The following CSF3R variants were observed in gnomAD, a reference collection of about 807,000 sequenced individuals.
CSF3R encodes the protein colony stimulating factor 3 receptor.
CSF3R carries 52 observed loss-of-function variants against 84.4 expected under a neutral mutation model. The ratio of observed to expected loss-of-function variants is 0.62; its 90% CI spans 0.49 to 0.78. CSF3R has a LOEUF of 0.78. Ranked by LOEUF, CSF3R falls within the 30% of genes least tolerant of loss-of-function variation. The pLI is 0.00. For missense variants in CSF3R, 890 were observed against 1,055.7 expected, an observed-to-expected ratio of 0.84 and a Z score of 2.17; for synonymous variants, 384 against 429.1, an observed-to-expected ratio of 0.89 and a Z score of 1.30.
chr1:36,466,720 C>T lies in CSF3R; in HGVS notation c.2148G>A (p.Glu716=). 3 of 1,614,220 alleles carry T rather than the reference C, an allele frequency of 1.9e-6. No homozygotes were observed. Among genetic ancestry groups the T allele is most frequent in the Admixed American group, 1.7e-5 (1 of 60,022 alleles). ...PVPWESHNSS[E]TCGLPTLVQT... ...GGACCAGAGTGGGGAGGCCACAGGT[C>T]TCTGAGCTGTTATGGGACTCCCAGG... The change falls in exon 17 of 17, where the codon GAG becomes GAA. Residue 716 remains glutamate, a synonymous_variant. Transcript: ENST00000373106. This position sits in a 1 kb window ranked among gnomAD's most constrained non-coding sequence, Gnocchi z 4.6.
In CSF3R at chr1:36,472,023, C is replaced by T. The variant is rs370100726; in HGVS notation, c.1071+43G>A. The T allele has an allele frequency of 2.2e-5, 35 of 1,588,728 alleles. No individual in the cohort carries two copies. The highest frequency in any genetic ancestry group is 1.7e-4 in the Admixed American group (10 of 59,836). On this transcript the variant is annotated intron_variant, in intron 9 of 16. Coordinates refer to ENST00000373106, the MANE Select transcript of CSF3R (RefSeq NM_000760.4). This position sits in a 1 kb window ranked among gnomAD's most constrained non-coding sequence, Gnocchi z 5.0. ...GGTTTGTAGGGATCTGTTTGGACTG[C>T]GGGAGGTGTCGAGGTGGAGGGATGG...
Position 36,475,638 on chromosome 1 carries a change from G to C in CSF3R, c.100C>G (p.Pro34Ala). 1 of 1,607,068 alleles carries C rather than the reference G, an allele frequency of 6.2e-7. No individual in the cohort carries two copies. Reference sequence around the variant, plus strand: ...ATGGGATCCCCCAGGTGGACGATGGGGGCTGAGACACTGATGTGCCCGCAC... The same window carrying C: ...ATGGGATCCCCCAGGTGGACGATGGCGGCTGAGACACTGATGTGCCCGCAC... Reference protein sequence around the residue: ...EECGHISVSAPIVHLGDPITA... With the variant: ...EECGHISVSAAIVHLGDPITA... Residue 34 changes from proline to alanine, a missense_variant, in exon 4 of 17, where the codon CCC becomes GCC. By Grantham distance (27) the Pro-to-Ala change is conservative. Transcript: ENST00000373106.
Position 36,467,503 on chromosome 1 carries a change from T to C in CSF3R, c.1958+55A>G, listed in dbSNP as rs1650401856. ...GGACTTAGATGGGCCCATCTGGACC[T>C]GAGGTTCCCTGTGGGTGGGGGAAGC... On this transcript the variant is annotated intron_variant, in intron 15 of 16. Transcript: ENST00000373106. The surrounding 1 kb of genome is among the most constrained non-coding windows in gnomAD (Gnocchi z 4.1). The C allele has an allele frequency of 1.3e-6, 2 of 1,564,082 alleles. No individual in the cohort carries two copies. The highest frequency in any genetic ancestry group is 1.8e-6 in the Non-Finnish European group (2 of 1,136,556).
At position 36,467,015 on chromosome 1, in the gene CSF3R, A is replaced by G; in HGVS notation, c.2041-188T>C. 6.9e-7 allele frequency: 1 copy of G among 1,440,754 alleles called. No homozygotes were observed. Among genetic ancestry groups the G allele is most frequent in the East Asian group, 2.4e-5 (1 of 41,946 alleles). 89.2% of individuals were successfully genotyped at this position (1,440,754 alleles called of 1,614,324 possible). A position where few individuals can be genotyped will look rare whatever the true frequency, so the allele number is the denominator to read the frequency against. ...CTGACACATGCCATGCACCGTTCAG[A>G]CTCAGCATGGTCAGTTTTTCCATAT... On this transcript the variant is annotated intron_variant, in intron 16 of 16. Transcript: ENST00000373106. The surrounding 1 kb of genome is among the most constrained non-coding windows in gnomAD (Gnocchi z 4.1).
In CSF3R at chr1:36,469,157, C is replaced by G. The variant is rs149081693; in HGVS notation, c.1575G>C (p.Met525Ile). The change falls in exon 12 of 17, where the codon ATG (methionine) becomes ATC (isoleucine). Residue 525 changes from methionine to isoleucine, a missense_variant and splice_region_variant. Physicochemically the swap from Met to Ile is conservative, Grantham distance 10. Transcript: ENST00000373106. ...AAAGGGGCCTGATAGTTGACAAACCCATTTCTTGAGAGTAGGCATAGACAT... is the reference window on the plus strand; with the variant it reads ...AAAGGGGCCTGATAGTTGACAAACCGATTTCTTGAGAGTAGGCATAGACAT... ...SQHVYAYSQE[M>I]APSHAPELHL... 8 of 1,611,950 alleles carry G rather than the reference C, an allele frequency of 5.0e-6. No individual in the cohort carries two copies. Among genetic ancestry groups the G allele is most frequent in the Non-Finnish European group, 6.8e-6 (8 of 1,178,082 alleles).
chr1:36,482,236 C>T (rs189375473), intron 1 of CSF3R, among the ~76,000 whole-genome samples: 5 of 148,952 alleles, frequency 3.4e-5, no homozygotes, highest in Admixed American at 1.3e-4. Flanking sequence ...GCCAAGAGGA[C>T]GATTGAGGCC....
chr1:36,478,316 G>A (rs533973244), intron 3 of CSF3R, among the ~76,000 whole-genome samples: 1 of 151,822 alleles, frequency 6.6e-6, no homozygotes, highest in Admixed American at 6.6e-5. Context: ...ATCACCTGAC[G>A]TCAGGAGTTT....
chr1:36,474,922 TACCA>T (rs1455758135), intron 4 of CSF3R, among the ~76,000 whole-genome samples: 2 of 152,166 alleles, frequency 1.3e-5, no homozygotes, highest in Non-Finnish European at 2.9e-5. Context: ...TACATAGTAG[TACCA>T]ACTGGTACTA....
At chr1:36,475,912 G>C (rs955774079) in intron 3 of CSF3R, 2 of 510,668 alleles carry the variant, frequency 3.9e-6, no homozygotes, top group Non-Finnish European at 7.0e-6. Context: ...GCAGACCCTG[G>C]TTTGTAGTGT....
chr1:36,476,943 TAC>T (rs1410493768), intron 3 of CSF3R: 3 of 152,034 alleles, frequency 2.0e-5, no homozygotes, highest in African/African-American at 7.3e-5. Flanking sequence ...GTGCTGGGAC[TAC>T]AGATGTGAAC....
Position 36,472,223 on chromosome 1 carries a change from T to A in CSF3R, c.997+15A>T. 3 of 1,614,176 alleles carry A rather than the reference T, an allele frequency of 1.9e-6. No individual in the cohort carries two copies. The highest frequency in any genetic ancestry group is 2.5e-6 in the Non-Finnish European group (3 of 1,180,024). ...GATACTGTTGGCTGCTCCCAGCCTC[T>A]CATCACCTCCTTACCCCGTTCGGTA... is the stretch of plus-strand genomic sequence containing the variant. On this transcript the variant is annotated intron_variant, in intron 8 of 16. Transcript: ENST00000373106. The surrounding 1 kb of genome is among the most constrained non-coding windows in gnomAD (Gnocchi z 5.0).
At position 36,472,848 on chromosome 1, in the gene CSF3R, C is replaced by CT. The variant is rs1166388191; in HGVS notation, c.674-163dup. 3 of 861,996 alleles carry CT rather than the reference C, an allele frequency of 3.5e-6. No individual in the cohort carries two copies. In the African/African-American group the frequency reaches 5.1e-5, roughly 15 times the overall value. The allele number at this position is 861,996 out of a possible 1,614,324, so 53.4% of individuals were successfully genotyped here. A position where few individuals can be genotyped will look rare whatever the true frequency, so the allele number is the denominator to read the frequency against. ...TGTGTCTTTGTTTCTCTCTAGGTCT[C>CT]TGTTTCCGCTCTTGCCCCAGGGCCT... On this transcript the variant is annotated intron_variant, in intron 6 of 16. Coordinates refer to ENST00000373106, the MANE Select transcript of CSF3R (RefSeq NM_000760.4). This position sits in a 1 kb window ranked among gnomAD's most constrained non-coding sequence, Gnocchi z 5.0.
At position 36,466,366 on chromosome 1, in the gene CSF3R, C is replaced by A. The variant is rs780923036; in HGVS notation, c.2502G>T (p.Gly834=). 3 of 1,612,748 alleles carry A rather than the reference C, an allele frequency of 1.9e-6. No homozygotes were observed. The Admixed American group carries it at 5.0e-5, about 27-fold the overall frequency. Residue 834 remains glycine (G), a synonymous_variant, in exon 17 of 17, where the codon GGG becomes GGT. Coordinates refer to ENST00000373106, the MANE Select transcript of CSF3R (RefSeq NM_000760.4). This position sits in a 1 kb window ranked among gnomAD's most constrained non-coding sequence, Gnocchi z 4.6. ...GIRVHGMEAL[G]SF ...GGAACCCCAGGAAGCCCTAGAAGCTCCCCAGCGCCTCCATCCCATGGACCC... is the reference window on the plus strand; with the variant it reads ...GGAACCCCAGGAAGCCCTAGAAGCTACCCAGCGCCTCCATCCCATGGACCC...
rs373940579 is a variant in CSF3R, at chr1:36,467,208, C to A, written c.2040+22G>T. On this transcript the variant is annotated intron_variant, in intron 16 of 16. Coordinates refer to ENST00000373106, the MANE Select transcript of CSF3R (RefSeq NM_000760.4). This position sits in a 1 kb window ranked among gnomAD's most constrained non-coding sequence, Gnocchi z 4.1. ...TGGGCCGACATCCCCATCTCATTTC[C>A]CTCTCCCTCCTGGATTCTCACCTCC... is the stretch of plus-strand genomic sequence containing the variant. 11 of 1,612,374 alleles carry A rather than the reference C, an allele frequency of 6.8e-6. No individual in the cohort carries two copies. Among genetic ancestry groups the A allele is most frequent in the Middle Eastern group, 3.3e-4 (2 of 6,058 alleles).
Position 36,467,506 on chromosome 1 carries a change from G to A in CSF3R, c.1958+52C>T. The A allele has an allele frequency of 1.3e-6, 2 of 1,569,800 alleles. No homozygotes were observed. The highest frequency in any genetic ancestry group is 8.8e-7 in the Non-Finnish European group (1 of 1,141,424). ...CTTAGATGGGCCCATCTGGACCTGA[G>A]GTTCCCTGTGGGTGGGGGAAGCAGG... On this transcript the variant is annotated intron_variant, in intron 15 of 16. Coordinates refer to ENST00000373106, the MANE Select transcript of CSF3R (RefSeq NM_000760.4). This position sits in a 1 kb window ranked among gnomAD's most constrained non-coding sequence, Gnocchi z 4.1.
At chr1:36,477,884 G>A (rs556265174) in intron 3 of CSF3R, among the ~76,000 whole-genome samples, 6 of 151,744 alleles carry the variant, frequency 4.0e-5, no homozygotes, top group Non-Finnish European at 7.4e-5. Context: ...TCAGCCTCCC[G>A]AGTAGCTAGG....
chr1:36,469,231 C>T lies in CSF3R; in HGVS notation c.1501G>A (p.Glu501Lys), dbSNP rs1380783424. The change falls in exon 12 of 17, where the codon GAG becomes AAG. Residue 501 changes from glutamate (E) to lysine (K), a missense_variant. Physicochemically the swap from Glu to Lys is moderately conservative, Grantham distance 56. Coordinates refer to ENST00000373106, the MANE Select transcript of CSF3R (RefSeq NM_000760.4). Reference sequence around the variant, plus strand: ...TGGTACAAGGGAGTCACGATGATCTCATAGAGCTGAAAGGGCCTGATGTTC... The same window carrying T: ...TGGTACAAGGGAGTCACGATGATCTTATAGAGCTGAAAGGGCCTGATGTTC... ...KENIRPFQLYEIIVTPLYQDT... is the reference protein window; with the variant it reads ...KENIRPFQLYKIIVTPLYQDT... 6 of 1,613,968 alleles carry T rather than the reference C, an allele frequency of 3.7e-6. No homozygotes were observed. In the Admixed American group the frequency reaches 8.3e-5, roughly 22 times the overall value.
chr1:36,472,788 G>A lies in CSF3R; in HGVS notation c.674-102C>T, dbSNP rs1650859597. ...TGTCTGTGGTTCACCATCTGTCCAC[G>A]TTGCCAATGACACGTTTCTGTGGTT... On this transcript the variant is annotated intron_variant, in intron 6 of 16. Coordinates refer to ENST00000373106, the MANE Select transcript of CSF3R (RefSeq NM_000760.4). The surrounding 1 kb of genome is among the most constrained non-coding windows in gnomAD (Gnocchi z 5.0). 11 of 1,348,556 alleles carry A rather than the reference G, an allele frequency of 8.2e-6. No individual in the cohort carries two copies. Among genetic ancestry groups the A allele is most frequent in the South Asian group, 3.0e-5 (2 of 65,696 alleles). 83.5% of individuals were successfully genotyped at this position (1,348,556 alleles called of 1,614,324 possible).
intron 10 of CSF3R, among the ~76,000 whole-genome samples, chr1:36,470,145 A>G (rs1650618084): frequency 6.6e-6 from 1 of 152,158 alleles, no homozygotes; most frequent in African/African-American, 2.4e-5. Context: ...TGTCAGGCGT[A>G]GTCCTTGATA....
Sources: allele counts gnomAD v4.1 joint callset (sites outside exome capture counted in the v4.1 genomes callset), GRCh38; gene constraint gnomAD v4.1.1; non-coding constraint Gnocchi (gnomAD v3.1); transcripts MANE v1.5; gene names NCBI Gene and HGNC (gene_info 2026-07-23, HGNC 2026-07-21).